Variants in CFAP65 observed in about 807,000 individuals in gnomAD.
CFAP65 encodes cilia- and flagella-associated protein 65.
Under a neutral mutation model 208.0 loss-of-function variants are expected in CFAP65, and 155 were observed. The ratio of observed to expected loss-of-function variants is 0.75; its 90% CI spans 0.65 to 0.85. The LOEUF (loss-of-function observed/expected upper bound fraction) is 0.85. CFAP65 is among the 40% of genes least tolerant of loss of function. The pLI is 0.00. For missense variants in CFAP65, 2,294 were observed against 2,451.3 expected (o/e 0.94, Z 1.36); for synonymous variants, 970 against 986.3 (o/e 0.98, Z 0.31).
At chr2:219,030,905 G>A (rs2106231267) in intron 8 of CFAP65, 71 bp from the exon 9 acceptor site, 17 of 1,548,404 alleles carry the variant, frequency 1.1e-5, no homozygotes, top group Middle Eastern at 1.7e-4. Flanking sequence ...ACAGCCCCTC[G>A]AAGAAGGCAG....
At position 219,031,176 on chromosome 2, in the gene CFAP65, G is replaced by C. The variant is rs371485262; in HGVS notation, c.945C>G (p.Tyr315Ter). 3.1e-6 allele frequency: 5 copies of C among 1,611,626 alleles called. No homozygotes were observed. Among genetic ancestry groups the C allele is most frequent in the Non-Finnish European group, 4.2e-6 (5 of 1,179,122 alleles). Residue 315 changes from tyrosine to a stop codon, truncating the protein, a stop_gained, in exon 8 of 35, where the codon TAC becomes TAG. Transcript: ENST00000341552. LOFTEE classifies it high-confidence loss of function. The surrounding 1 kb of genome is among the most constrained non-coding windows in gnomAD (Gnocchi z 5.2). ...VTFQPLTAVIYEVQATCWYGA... is the reference protein window; with the variant it reads ...VTFQPLTAVI ...CGTACCAGCACGTGGCCTGCACCTC[G>C]TAGATGACGGCTGTAAGGGGCTGAA... is the stretch of plus-strand genomic sequence containing the variant.
chr2:219,010,783 C>G, intron 25 of CFAP65, 22 bp downstream of exon 25: 27 of 1,592,932 alleles, frequency 1.7e-5, no homozygotes, highest in Non-Finnish European at 2.3e-5. Context: ...CCACCTCCCA[C>G]GTCATCCAGG....
intron 11 of CFAP65, among the ~76,000 whole-genome samples, chr2:219,028,852 T>C (rs950121767): frequency 2.0e-5 from 3 of 152,126 alleles, no homozygotes; most frequent in Non-Finnish European, 2.9e-5. Context: ...AAGGCACCCA[T>C]TCCTCCAGGT....
rs774973209 is a variant in CFAP65 at position 219,010,859 on chromosome 2, G to A, written c.4095C>T (p.Gly1365=). ...AGATCCACAAGACCCGGGCAGTGCT[G>A]CCTGGCTGGATCTCCCCTTTGGGGT... is the stretch of plus-strand genomic sequence containing the variant. ...CLNPKGEIQP[G]STARVLWIFS... is the part of the protein sequence containing the mutation. Residue 1365 remains glycine (G), a synonymous_variant, in exon 25 of 35, where the codon GGC becomes GGT. Coordinates refer to ENST00000341552, the MANE Select transcript of CFAP65 (RefSeq NM_194302.4). 2 of 1,613,586 alleles carry A rather than the reference G, an allele frequency of 1.2e-6. No individual in the cohort carries two copies. The highest frequency in any genetic ancestry group is 1.7e-6 in the Non-Finnish European group (2 of 1,179,880).
Position 219,004,148 on chromosome 2 carries a change from C to T in CFAP65, c.5359G>A (p.Glu1787Lys), listed in dbSNP as rs1260332426. The T allele has an allele frequency of 6.2e-7, 1 of 1,613,822 alleles. No homozygotes were observed. The highest frequency in any genetic ancestry group is 1.3e-5 in the African/African-American group (1 of 74,892). ...ATCTCCTCCTTGCCCAACTCCTCCT[C>T]TTCTGTCTCCTCTTCTTCCTCCTCT... ...EEEEEEEETE[E>K]EELGKEEIEE... is the part of the protein sequence containing the mutation. The change falls in exon 33 of 35, where the codon GAG becomes AAG. Residue 1787 changes from glutamate to lysine, a missense_variant. By Grantham distance (56) the Glu-to-Lys change is moderately conservative. Transcript: ENST00000341552. The surrounding 1 kb of genome is among the most constrained non-coding windows in gnomAD (Gnocchi z 4.7).
At position 219,041,468 on chromosome 2, in the gene CFAP65, G is replaced by A. The variant is rs963332496; in HGVS notation, c.-49+20C>T. On this transcript the variant is annotated intron_variant, in intron 1 of 34. Coordinates refer to ENST00000341552, the MANE Select transcript of CFAP65 (RefSeq NM_194302.4). ...GCTCCCTGAGACCCTGGGACCTTGG[G>A]ACTAACGCTCAGAACTTACATCGCC... 2 of 1,550,472 alleles carry A rather than the reference G, an allele frequency of 1.3e-6. No homozygotes were observed. The highest frequency in any genetic ancestry group is 1.2e-5 in the South Asian group (1 of 84,060).
At position 219,022,300 on chromosome 2, in the gene CFAP65, C is replaced by T. The variant is rs780906392; in HGVS notation, c.2850G>A (p.Glu950=). ...LTLTWTFSPL[E]ETKYLFQVGM... Reference sequence around the variant, plus strand: ...CCACTTGGAACAGGTACTTGGTCTCCTCCAAAGGGCTGAAGGTCCACGTCA... The same window carrying T: ...CCACTTGGAACAGGTACTTGGTCTCTTCCAAAGGGCTGAAGGTCCACGTCA... The change falls in exon 17 of 35, where the codon GAG becomes GAA. Residue 950 remains glutamate (E), a synonymous_variant. Coordinates refer to ENST00000341552, the MANE Select transcript of CFAP65 (RefSeq NM_194302.4). 1 of 1,606,316 alleles carries T rather than the reference C, an allele frequency of 6.2e-7. No homozygotes were observed. The highest frequency in any genetic ancestry group is 2.2e-5 in the East Asian group (1 of 44,684).
rs1947914656 is a variant in CFAP65, at chr2:219,030,094, C to G, written c.1276G>C (p.Val426Leu). The G allele has an allele frequency of 2.5e-6, 4 of 1,614,134 alleles. No homozygotes were observed. The highest frequency in any genetic ancestry group is 3.4e-6 in the Non-Finnish European group (4 of 1,180,002). Residue 426 changes from valine (V) to leucine (L), a missense_variant, in exon 10 of 35, where the codon GTG becomes CTG. By Grantham distance (32) the Val-to-Leu change is conservative. This residue lies in a region of CFAP65 where 867 missense variants were observed against 1,012.6 expected (regional missense o/e 0.86). Transcript: ENST00000341552. ...VLPGEKKCVS[V>L]FFHPKTLDTR... ...TCCAGAGTCTTGGGGTGGAAGAACA[C>G]CGACACACATTTCTTCTCTCCCGGA...
Position 219,032,643 on chromosome 2 carries a change from G to T in CFAP65, c.543-71C>A. ...ACAACTGGAAGAGGCAGGAAACGAG[G>T]GAAGCCCTGCAGCCAAGGGAGCTTG... On this transcript the variant is annotated intron_variant, in intron 5 of 34. Transcript: ENST00000341552. This position sits in a 1 kb window ranked among gnomAD's most constrained non-coding sequence, Gnocchi z 5.5. 7.2e-7 allele frequency: 1 copy of T among 1,379,746 alleles called. No individual in the cohort carries two copies. Among genetic ancestry groups the T allele is most frequent in the Non-Finnish European group, 1.0e-6 (1 of 998,064 alleles). 85.5% of individuals were successfully genotyped at this position (1,379,746 alleles called of 1,614,324 possible).
chr2:219,021,364 G>C, intron 18 of CFAP65, 84 bp from the exon 19 acceptor site: 1 of 1,400,444 alleles, frequency 7.1e-7, no homozygotes, highest in Non-Finnish European at 9.4e-7. Flanking sequence ...CCTTCCCTGG[G>C]CACCAGGGGA....
In CFAP65 at chr2:219,031,358, G is replaced by A; in HGVS notation, c.816-53C>T. Reference sequence around the variant, plus strand: ...TGGGCTCCCGGCCCCTGCTCCTGCAGTAGCAAGTCAGGGATGCTGGGCAGA... The same window carrying A: ...TGGGCTCCCGGCCCCTGCTCCTGCAATAGCAAGTCAGGGATGCTGGGCAGA... On this transcript the variant is annotated intron_variant, in intron 7 of 34. Coordinates refer to ENST00000341552, the MANE Select transcript of CFAP65 (RefSeq NM_194302.4). The surrounding 1 kb of genome is among the most constrained non-coding windows in gnomAD (Gnocchi z 5.2). 6.2e-7 allele frequency: 1 copy of A among 1,606,212 alleles called. No individual in the cohort carries two copies. Among genetic ancestry groups the A allele is most frequent in the South Asian group, 1.1e-5 (1 of 90,568 alleles).
intron 2 of CFAP65, among the ~76,000 whole-genome samples, chr2:219,039,703 G>A (rs1489726328): frequency 6.6e-6 from 1 of 152,014 alleles, no homozygotes; most frequent in Non-Finnish European, 1.5e-5. Context: ...ATATGTAATC[G>A]ATATGAAATT....
At position 219,004,461 on chromosome 2, in the gene CFAP65, T is replaced by A; in HGVS notation, c.5052-6A>T. 1 of 1,598,260 alleles carries A rather than the reference T, an allele frequency of 6.3e-7. No individual in the cohort carries two copies. Among genetic ancestry groups the A allele is most frequent in the Non-Finnish European group, 8.5e-7 (1 of 1,172,320 alleles). The stretch of plus-strand genomic sequence containing the variant: ...TCTTGTCTTCCAGCAGGCCCCTAGG[T>A]GGCAGGGAGAAGGAGAAGGCCCTTG... On this transcript the variant is annotated splice_polypyrimidine_tract_variant and splice_region_variant and intron_variant, in intron 32 of 34. Transcript: ENST00000341552. This position sits in a 1 kb window ranked among gnomAD's most constrained non-coding sequence, Gnocchi z 4.7.
At position 219,040,558 on chromosome 2, in the gene CFAP65, A is replaced by T; in HGVS notation, c.-42T>A. ...TGGACGTTCAGATGAAATCAAAGAA[A>T]TGTAAGCTGAGGAGACACAGAGAGA... On this transcript the variant is annotated 5_prime_UTR_variant, in exon 2 of 35. Coordinates refer to ENST00000341552, the MANE Select transcript of CFAP65 (RefSeq NM_194302.4). The T allele has an allele frequency of 6.4e-7, 1 of 1,551,046 alleles. No individual in the cohort carries two copies. The highest frequency in any genetic ancestry group is 8.7e-7 in the Non-Finnish European group (1 of 1,146,284).
chr2:219,008,646 G>A (rs974793653), intron 29 of CFAP65, among the ~76,000 whole-genome samples: 24 of 152,214 alleles, frequency 1.6e-4, no homozygotes, highest in African/African-American at 5.8e-4. Flanking sequence ...TCAGGAGGCT[G>A]AGGCTGGAGA....
Position 219,031,494 on chromosome 2 carries a change from A to G in CFAP65, c.810T>C (p.Asn270=). The part of the protein sequence containing the change: ...DTTEAFFCLD[N]VGDLPTFFTW... ...CACCTCAGCCTCTTCCTCACCCCAC[A>G]TTATCCAGGCAGAAAAAGGCCTCAG... Residue 270 remains asparagine, a synonymous_variant, in exon 7 of 35, where the codon AAT becomes AAC. Coordinates refer to ENST00000341552, the MANE Select transcript of CFAP65 (RefSeq NM_194302.4). This position sits in a 1 kb window ranked among gnomAD's most constrained non-coding sequence, Gnocchi z 5.2. 4 of 1,614,106 alleles carry G rather than the reference A, an allele frequency of 2.5e-6. No homozygotes were observed. The highest frequency in any genetic ancestry group is 2.2e-5 in the East Asian group (1 of 44,880).
Position 219,029,428 on chromosome 2 carries a change from C to A in CFAP65, c.1625G>T (p.Arg542Leu), listed in dbSNP as rs183428818. 6.2e-7 allele frequency: 1 copy of A among 1,613,772 alleles called. No individual in the cohort carries two copies. The highest frequency in any genetic ancestry group is 1.3e-5 in the African/African-American group (1 of 74,920). Reference protein sequence around the residue: ...QPTHPIICFRRVACLIHHQDP... With the variant: ...QPTHPIICFRLVACLIHHQDP... The stretch of plus-strand genomic sequence containing the variant: ...CTGGTGGTGGATGAGACAGGCCACA[C>A]GCCGAAAGCAGATGATGGGGTGAGT... Residue 542 changes from arginine (R) to leucine (L), a missense_variant, in exon 11 of 35, where the codon CGT becomes CTT. Physicochemically the swap from Arg to Leu is moderately radical, Grantham distance 102 (BLOSUM62 -2). Transcript: ENST00000341552.
intron 15 of CFAP65, 84 bp from the exon 16 acceptor site, chr2:219,023,515 G>A (rs1947412716): frequency 2.0e-6 from 2 of 1,023,442 alleles, no homozygotes; most frequent in Admixed American, 2.6e-5. Context: ...GCCATGGCTA[G>A]GCAGCTTTCC....
At chr2:219,015,037 C>T (rs1946768224) in intron 21 of CFAP65, 1 of 148,162 alleles carries the variant, frequency 6.7e-6, no homozygotes, top group Non-Finnish European at 1.5e-5. Context: ...CAAAAGCAAC[C>T]TGAGAGAAAA....
Sources: allele counts gnomAD v4.1 joint callset (sites outside exome capture counted in the v4.1 genomes callset), GRCh38; gene constraint gnomAD v4.1.1; regional missense constraint gnomAD v4.1.1; non-coding constraint Gnocchi (gnomAD v3.1); transcripts MANE v1.5; gene names NCBI Gene and HGNC (gene_info 2026-07-23, HGNC 2026-07-21).